Variants in RALGPS1 observed in about 807,000 individuals in gnomAD.
RALGPS1 encodes Ral GEF with PH domain and SH3 binding motif 1.
RALGPS1 carries 19 observed loss-of-function variants against 78.8 expected under a neutral mutation model. That is an observed-to-expected ratio of 0.24 (90% CI 0.17 to 0.35). RALGPS1 has a LOEUF of 0.35. Ranked by LOEUF, RALGPS1 falls within the 10% of genes least tolerant of loss-of-function variation. The pLI is 1.00. For missense variants in RALGPS1, 454 were observed against 688.3 expected (o/e 0.66, Z 3.81); for synonymous variants, 228 against 256.3 (o/e 0.89, Z 1.06).
chr9:127,157,780 C>A (rs2058785020), intron 8 of RALGPS1, among the ~76,000 whole-genome samples: 1 of 152,016 alleles, frequency 6.6e-6, no homozygotes, highest in Non-Finnish European at 1.5e-5. Context: ...ATCATATCAC[C>A]TGCAAAAATG....
intron 8 of RALGPS1, among the ~76,000 whole-genome samples, chr9:127,116,123 T>G (rs1374210140): frequency 6.6e-6 from 1 of 152,154 alleles, no homozygotes; most frequent in Non-Finnish European, 1.5e-5. Context: ...CATTGTGCAT[T>G]GCTACTACCT....
At chr9:126,990,078 T>G in intron 4 of RALGPS1, 1 of 1,502,828 alleles carries the variant, frequency 6.7e-7, no homozygotes, top group Non-Finnish European at 9.0e-7. Flanking sequence ...AGGTCAATGT[T>G]GGACGTCGGA....
intron 8 of RALGPS1, among the ~76,000 whole-genome samples, chr9:127,077,600 C>G (rs2050787360): frequency 6.6e-6 from 1 of 152,220 alleles, no homozygotes; most frequent in African/African-American, 2.4e-5. Context: ...GTTCCCTTGT[C>G]AGGATTAGCA....
At chr9:126,989,873 G>C in intron 4 of RALGPS1, 1 of 1,549,820 alleles carries the variant, frequency 6.5e-7, no homozygotes, top group Non-Finnish European at 8.7e-7. Flanking sequence ...GCATCTGTTG[G>C]GTCCTTTTCT....
intron 8 of RALGPS1, chr9:127,093,662 G>A: frequency 6.4e-7 from 1 of 1,566,706 alleles, no homozygotes; most frequent in Non-Finnish European, 8.7e-7. Flanking sequence ...TCTTCTATTG[G>A]TTGCTCAGGC....
intron 8 of RALGPS1, among the ~76,000 whole-genome samples, chr9:127,164,564 G>A (rs1486391685): frequency 9.1e-5 from 8 of 87,506 alleles, no homozygotes; most frequent in Non-Finnish European, 1.7e-4. Context: ...TTTTGAGACA[G>A]AGTCTTGCTC....
At chr9:126,972,689 T>C (rs1261442232) in intron 3 of RALGPS1, among the ~76,000 whole-genome samples, 1 of 152,202 alleles carries the variant, frequency 6.6e-6, no homozygotes, top group Non-Finnish European at 1.5e-5. Flanking sequence ...TGTGGAGAAC[T>C]TATGGCTTGG....
At chr9:127,068,580 G>C (rs1329264956) in intron 7 of RALGPS1, among the ~76,000 whole-genome samples, 1 of 152,204 alleles carries the variant, frequency 6.6e-6, no homozygotes, top group South Asian at 2.1e-4. Flanking sequence ...CAAGATTGAA[G>C]CTTTCCATCT....
chr9:127,152,905 G>A (rs112539748), intron 8 of RALGPS1, among the ~76,000 whole-genome samples: 8 of 152,258 alleles, frequency 5.3e-5, no homozygotes, highest in East Asian at 1.9e-4. Context: ...ACCTGCTTTC[G>A]TCTTCAGCCC....
chr9:127,166,299 A>G, intron 9 of RALGPS1, 93 bp downstream of exon 9: 2 of 1,431,082 alleles, frequency 1.4e-6, no homozygotes, highest in Non-Finnish European at 1.9e-6. Flanking sequence ...TCAAAGAACT[A>G]CAAAGTTCCT....
At chr9:127,033,251 A>C (rs2046575555) in intron 4 of RALGPS1, among the ~76,000 whole-genome samples, 1 of 152,162 alleles carries the variant, frequency 6.6e-6, no homozygotes, top group Admixed American at 6.5e-5. Flanking sequence ...TGTGTTCCTA[A>C]GTCCAGGGCA....
At chr9:127,041,651 G>C (rs1256904343) in intron 5 of RALGPS1, among the ~76,000 whole-genome samples, 3 of 152,208 alleles carry the variant, frequency 2.0e-5, no homozygotes, top group African/African-American at 7.2e-5. Flanking sequence ...TATCACACAG[G>C]AGTGGCATGT....
At chr9:127,177,619 C>A (rs2059955925) in intron 11 of RALGPS1, among the ~76,000 whole-genome samples, 1 of 152,206 alleles carries the variant, frequency 6.6e-6, no homozygotes, top group South Asian at 2.1e-4. Flanking sequence ...CTGAGCAACA[C>A]TGGCTCCCGC....
chr9:127,096,312 G>C (rs948999767), intron 8 of RALGPS1, among the ~76,000 whole-genome samples: 2 of 152,256 alleles, frequency 1.3e-5, no homozygotes. Context: ...GCCGGTGGGC[G>C]TGGGAGGCCT....
chr9:127,113,207 A>G (rs923058417), intron 8 of RALGPS1, among the ~76,000 whole-genome samples: 3 of 152,186 alleles, frequency 2.0e-5, no homozygotes, highest in African/African-American at 7.2e-5. Flanking sequence ...CAACGGAGAC[A>G]TTGCAACCCA....
chr9:127,186,508 G>T (rs1485174499), intron 11 of RALGPS1, among the ~76,000 whole-genome samples: 1 of 152,254 alleles, frequency 6.6e-6, no homozygotes, highest in African/African-American at 2.4e-5. Flanking sequence ...CAGAAGACAC[G>T]TGTCCCTGGT....
intron 5 of RALGPS1, among the ~76,000 whole-genome samples, chr9:127,044,609 C>G (rs1043003669): frequency 4.6e-5 from 7 of 152,014 alleles, no homozygotes; most frequent in Non-Finnish European, 1.0e-4. Flanking sequence ...TTCAGGGTAC[C>G]TGTGCAGGTT....
rs1382198340 is a variant in RALGPS1, at chr9:127,196,622, C to T, written c.1186C>T (p.Leu396Phe). The T allele has an allele frequency of 6.2e-7, 1 of 1,603,698 alleles. No individual in the cohort carries two copies. The highest frequency in any genetic ancestry group is 1.7e-5 in the Admixed American group (1 of 58,244). Residue 396 changes from leucine to phenylalanine, a missense_variant, in exon 13 of 19, where the codon CTC becomes TTC. Physicochemically the swap from Leu to Phe is conservative, Grantham distance 22 (BLOSUM62 0). Coordinates refer to ENST00000259351, the MANE Select transcript of RALGPS1 (RefSeq NM_014636.3). ...CTCCTCCTCTGCTGTCACCAATGGA[C>T]TCTCCCTAGGTAAGCGTCTCCGGCC... ...LTSSSAVTNG[L>F]SLGSSESSEF...
In RALGPS1 at chr9:127,199,004, TC is replaced by T. The variant is rs761969534; in HGVS notation, c.1196-9del. ...AGCCGTTGTGCTCATTGACCTGTGT[TC>T]CTTTTCCAGGCAGTAGTGAGAGCTC... On this transcript the variant is annotated splice_polypyrimidine_tract_variant and intron_variant, in intron 13 of 18. Transcript: ENST00000259351. The T allele has an allele frequency of 1.2e-6, 2 of 1,613,632 alleles. No individual in the cohort carries two copies. The highest frequency in any genetic ancestry group is 1.7e-6 in the Non-Finnish European group (2 of 1,179,508).
Sources: allele counts gnomAD v4.1 joint callset (sites outside exome capture counted in the v4.1 genomes callset), GRCh38; gene constraint gnomAD v4.1.1; transcripts MANE v1.5; gene names NCBI Gene and HGNC (gene_info 2026-07-23, HGNC 2026-07-21).